TNIK: variants seen among roughly 807,000 people sequenced by gnomAD.
The protein encoded by TNIK is TRAF2 and NCK-interacting protein kinase.
A neutral mutation model predicts 191.3 loss-of-function variants in TNIK; 49 were observed. The ratio of observed to expected loss-of-function variants is 0.26; its 90% confidence interval spans 0.20 to 0.32. The LOEUF (loss-of-function observed/expected upper bound fraction) is 0.32, where lower values mean the gene tolerates loss of function less well. Among genes scored for constraint, TNIK ranks in the 10% least tolerant of loss-of-function variants. The pLI is 1.00. For synonymous variants in TNIK, 594 were observed against 600.9 expected (o/e 0.99, Z 0.17); for missense variants, 1,155 against 1,702.3 (o/e 0.68, Z 5.66).
At chr3:171,404,455 C>T (rs1721407256) in intron 1 of TNIK, among the ~76,000 whole-genome samples, 1 of 151,972 alleles carries the variant, frequency 6.6e-6, no homozygotes, top group South Asian at 2.1e-4. Flanking sequence ...ATAACACATT[C>T]ATTAAGAAAT....
intron 2 of TNIK, among the ~76,000 whole-genome samples, chr3:171,325,824 G>T (rs754429922): frequency 9.9e-5 from 15 of 152,194 alleles, no homozygotes; most frequent in Non-Finnish European, 4.4e-5. Flanking sequence ...GGGCTAGGAG[G>T]TACATAGTAC....
intron 2 of TNIK, among the ~76,000 whole-genome samples, chr3:171,258,656 C>T (rs1187032366): frequency 6.6e-6 from 1 of 152,112 alleles, no homozygotes; most frequent in Non-Finnish European, 1.5e-5. Flanking sequence ...TCTTCCAAGT[C>T]AGGCCCAATT....
At chr3:171,400,342 A>T (rs1720767340) in intron 1 of TNIK, among the ~76,000 whole-genome samples, 1 of 152,074 alleles carries the variant, frequency 6.6e-6, no homozygotes, top group South Asian at 2.1e-4. Flanking sequence ...AGGCGAGAGG[A>T]TTGCTTAAGC....
rs60887361 is a variant in TNIK at position 171,365,161 on chromosome 3, CTTTTTTTTTTTTTTTTT to C, written c.123+4442_123+4458del. On this transcript the variant is annotated intron_variant, in intron 2 of 32. Coordinates refer to ENST00000436636, the MANE Select transcript of TNIK (RefSeq NM_015028.4). Reference sequence around the variant, plus strand: ...AAGGACTACACAAAAGGACTACATTCTTTTTTTTTTTTTTTTTTTTTTTTTTTTTTTTTTTTTTGAGA... The same window carrying C: ...AAGGACTACACAAAAGGACTACATTCTTTTTTTTTTTTTTTTTTTTTGAGA... Among the ~76,000 whole-genome samples the C allele has an allele frequency of 7.6e-3, 242 of 31,936 alleles. 5 individuals are homozygous for C. Among genetic ancestry groups the C allele is most frequent in the East Asian group, 0.067 (49 of 730 alleles). 21.0% of individuals were successfully genotyped at this position (31,936 alleles called of 152,430 possible).
intron 2 of TNIK, among the ~76,000 whole-genome samples, chr3:171,285,141 C>T (rs546820129): frequency 6.6e-6 from 1 of 152,170 alleles, no homozygotes; most frequent in African/African-American, 2.4e-5. Flanking sequence ...TTAAAGGATA[C>T]AGACTATTTA....
intron 2 of TNIK, among the ~76,000 whole-genome samples, chr3:171,272,433 C>T (rs559966243): frequency 1.6e-4 from 25 of 152,302 alleles, no homozygotes; most frequent in African/African-American, 4.1e-4. Flanking sequence ...AAGATGGCAC[C>T]GTACACATCG....
chr3:171,282,626 G>A (rs1368665349), intron 2 of TNIK, among the ~76,000 whole-genome samples: 3 of 152,106 alleles, frequency 2.0e-5, no homozygotes, highest in South Asian at 2.1e-4. Context: ...TTACAGGCAT[G>A]AGCCACCACG....
chr3:171,311,977 CG>C, intron 2 of TNIK, among the ~76,000 whole-genome samples: 1 of 151,684 alleles, frequency 6.6e-6, no homozygotes, highest in Non-Finnish European at 1.5e-5. Flanking sequence ...CATGTGACTT[CG>C]GGGGTTGGGG....
chr3:171,182,852 T>C (rs781637846), intron 7 of TNIK, among the ~76,000 whole-genome samples: 1 of 152,206 alleles, frequency 6.6e-6, no homozygotes, highest in African/African-American at 2.4e-5. Context: ...AAGGTGCCTA[T>C]GGTCTGCAGC....
intron 1 of TNIK, among the ~76,000 whole-genome samples, chr3:171,387,625 G>GT (rs1560007986): frequency 6.6e-6 from 1 of 152,172 alleles, no homozygotes; most frequent in Non-Finnish European, 1.5e-5. Flanking sequence ...TGGATTTTGT[G>GT]CAGCTGATTA....
At chr3:171,138,144 G>T in intron 15 of TNIK, 47 bp downstream of exon 15, 2 of 1,486,686 alleles carry the variant, frequency 1.3e-6, no homozygotes, top group Admixed American at 2.5e-5. Flanking sequence ...AAACTCATTA[G>T]AGTCAAAAGC....
intron 22 of TNIK, among the ~76,000 whole-genome samples, chr3:171,094,429 C>T (rs1198234667): frequency 6.6e-6 from 1 of 152,158 alleles, no homozygotes; most frequent in Non-Finnish European, 1.5e-5. Context: ...AGCCACCGCG[C>T]CCTGCCAATC....
intron 2 of TNIK, among the ~76,000 whole-genome samples, chr3:171,308,024 C>T (rs181654169): frequency 1.1e-3 from 170 of 152,176 alleles, no homozygotes; most frequent in African/African-American, 3.8e-3. Flanking sequence ...AGATTAAATG[C>T]TATTTCTATT....
intron 2 of TNIK, among the ~76,000 whole-genome samples, chr3:171,232,213 A>G (rs1041071950): frequency 1.3e-5 from 2 of 152,164 alleles, no homozygotes; most frequent in Non-Finnish European, 2.9e-5. Context: ...AAGCTGGTGC[A>G]GTGTTGCACG....
chr3:171,242,714 T>C (rs1255926760), intron 2 of TNIK, among the ~76,000 whole-genome samples: 1 of 152,196 alleles, frequency 6.6e-6, no homozygotes, highest in Non-Finnish European at 1.5e-5. Context: ...AAATCTGTCT[T>C]AGATTTAATA....
intron 1 of TNIK, among the ~76,000 whole-genome samples, chr3:171,455,309 C>G (rs900651151): frequency 6.6e-6 from 1 of 151,752 alleles, no homozygotes; most frequent in Admixed American, 6.6e-5. Context: ...GCTGGAGTGC[C>G]GTGACACAAT....
At chr3:171,370,934 A>G (rs935429525) in intron 1 of TNIK, among the ~76,000 whole-genome samples, 13 of 152,116 alleles carry the variant, frequency 8.5e-5, no homozygotes, top group African/African-American at 2.7e-4. Flanking sequence ...GCAATGCCAT[A>G]TATTATTACA....
In TNIK at chr3:171,297,144, G is replaced by A. The variant is rs147482397; in HGVS notation, c.124-68923C>T. ...GTTGGCTCTGAGATCTCAGTCTCTC[G>A]ATAACTCCCCTTTCCAAAAGGGGAA... On this transcript the variant is annotated intron_variant, in intron 2 of 32. Transcript: ENST00000436636. 1.8e-3 allele frequency among the ~76,000 whole-genome samples: 272 copies of A among 152,148 alleles called. 3 individuals are homozygous for A. The highest frequency in any genetic ancestry group is 6.1e-3 in the African/African-American group (255 of 41,506).
chr3:171,174,030 A>G (rs1735667521), intron 9 of TNIK, among the ~76,000 whole-genome samples: 1 of 152,188 alleles, frequency 6.6e-6, no homozygotes, highest in Non-Finnish European at 1.5e-5. Flanking sequence ...GACCCTCTGC[A>G]GAGGAAGGAG....
Sources: allele counts gnomAD v4.1 joint callset (sites outside exome capture counted in the v4.1 genomes callset), GRCh38; gene constraint gnomAD v4.1.1; transcripts MANE v1.5; gene names NCBI Gene and HGNC (gene_info 2026-07-23, HGNC 2026-07-21).